NSMAF: variants seen among roughly 807,000 people sequenced by gnomAD.
NSMAF encodes neutral sphingomyelinase activation associated factor, also known as protein FAN.
NSMAF carries 90 observed loss-of-function variants against 134.9 expected under a neutral mutation model. That is an observed-to-expected ratio of 0.67 (90% CI 0.56 to 0.79). The LOEUF (loss-of-function observed/expected upper bound fraction) is 0.79. Ranked by LOEUF, NSMAF falls within the 30% of genes least tolerant of loss-of-function variation. The pLI is 0.00. For synonymous variants in NSMAF, 358 were observed against 389.6 expected (o/e 0.92, Z 0.96); for missense variants, 1,010 against 1,119.0 (o/e 0.90, Z 1.39).
rs572849597 is a variant in NSMAF at position 58,597,373 on chromosome 8, T to C, written c.1792+14A>G. 1.2e-6 allele frequency: 2 copies of C among 1,610,600 alleles called. No individual in the cohort carries two copies. Among genetic ancestry groups the C allele is most frequent in the Admixed American group, 3.4e-5 (2 of 59,608 alleles). ...ACAAAAGGTGCTCACGTTTATTCTC[T>C]TTACAAAATTTACCTGGGGAATCTG... On this transcript the variant is annotated intron_variant, in intron 21 of 30. Coordinates refer to ENST00000038176, the MANE Select transcript of NSMAF (RefSeq NM_003580.4).
In NSMAF at chr8:58,635,378, T is replaced by A; in HGVS notation, c.229-6A>T. 4 of 1,597,330 alleles carry A rather than the reference T, an allele frequency of 2.5e-6. No individual in the cohort carries two copies. Among genetic ancestry groups the A allele is most frequent in the Non-Finnish European group, 3.4e-6 (4 of 1,173,758 alleles). ...ATACAGTCTCTCAAAGGAATCTGGA[T>A]AAAATTGAGAGAAATATTATAAAAA... On this transcript the variant is annotated splice_polypyrimidine_tract_variant and splice_region_variant and intron_variant, in intron 3 of 30. Coordinates refer to ENST00000038176, the MANE Select transcript of NSMAF (RefSeq NM_003580.4).
In NSMAF at chr8:58,606,231, G is replaced by A. The variant is rs1585737339; in HGVS notation, c.760-196C>T. On this transcript the variant is annotated intron_variant, in intron 11 of 30. Coordinates refer to ENST00000038176, the MANE Select transcript of NSMAF (RefSeq NM_003580.4). ...ACGTTTGCGTATATATATATATGTT[G>A]TATTTATAAATGTTTTGAGAACAAG... Among the ~76,000 whole-genome samples the A allele has an allele frequency of 3.3e-5, 5 of 151,552 alleles. No homozygotes were observed. In the South Asian group the frequency reaches 1.0e-3, roughly 32 times the overall value.
rs1219479120 is a variant in NSMAF, at chr8:58,605,987, G to C, written c.808C>G (p.Leu270Val). Residue 270 changes from leucine (L) to valine (V), a missense_variant, in exon 12 of 31, where the codon CTA becomes GTA. Physicochemically the swap from Leu to Val is conservative, Grantham distance 32. Coordinates refer to ENST00000038176, the MANE Select transcript of NSMAF (RefSeq NM_003580.4). The stretch of plus-strand genomic sequence containing the variant: ...CTATCTTGAGGTTCATAGAACTTTA[G>C]GTAGATGTCGGAACACAGATCATCT... ...TEDDLCSDIYLKFYEPQDRDD... is the reference protein window; with the variant it reads ...TEDDLCSDIYVKFYEPQDRDD... The C allele has an allele frequency of 1.9e-6, 3 of 1,598,458 alleles. No homozygotes were observed. The highest frequency in any genetic ancestry group is 2.6e-6 in the Non-Finnish European group (3 of 1,174,728).
intron 5 of NSMAF, among the ~76,000 whole-genome samples, chr8:58,633,891 C>G (rs1235700058): frequency 1.3e-5 from 2 of 152,090 alleles, no homozygotes; most frequent in Non-Finnish European, 2.9e-5. Flanking sequence ...TACAAGACCT[C>G]TTCTATAAAC....
intron 1 of NSMAF, among the ~76,000 whole-genome samples, chr8:58,649,776 G>A (rs181059552): frequency 3.9e-5 from 6 of 152,280 alleles, no homozygotes; most frequent in African/African-American, 1.2e-4. Flanking sequence ...TCCACCATGA[G>A]TAAAAGCTCC....
At chr8:58,622,231 C>T (rs114046880) in intron 9 of NSMAF, among the ~76,000 whole-genome samples, 2,155 of 152,164 alleles carry the variant, frequency 0.014, 57 homozygotes, top group African/African-American at 0.05. Flanking sequence ...TTAGAAAGGA[C>T]ATTTTAAAAT....
At chr8:58,649,868 C>A (rs1227572364) in intron 1 of NSMAF, among the ~76,000 whole-genome samples, 2 of 152,230 alleles carry the variant, frequency 1.3e-5, no homozygotes, top group Non-Finnish European at 2.9e-5. Context: ...GCCCATTAAA[C>A]CTCTCTTGAA....
intron 12 of NSMAF, 127 bp from the exon 13 acceptor site, chr8:58,603,513 A>G (rs1474806724): frequency 1.0e-5 from 8 of 782,452 alleles, no homozygotes; most frequent in Non-Finnish European, 1.4e-5. Flanking sequence ...AAAGAAAAGT[A>G]GGCTGCTGAC....
chr8:58,659,469 C>T, intron 1 of NSMAF, 104 bp downstream of exon 1: 1 of 1,493,162 alleles, frequency 6.7e-7, no homozygotes, highest in Non-Finnish European at 8.9e-7. Context: ...TGCCTCCGTG[C>T]CCGGCCCCCA....
intron 23 of NSMAF, among the ~76,000 whole-genome samples, chr8:58,592,275 C>T (rs992093056): frequency 6.6e-6 from 1 of 152,090 alleles, no homozygotes; most frequent in African/African-American, 2.4e-5. Context: ...GGTGCTCTCA[C>T]TGCAGCAGCC....
Position 58,589,571 on chromosome 8 carries a change from A to G in NSMAF, c.2092T>C (p.Phe698Leu). Residue 698 changes from phenylalanine (F) to leucine (L), a missense_variant, in exon 26 of 31, where the codon TTT (phenylalanine) becomes CTT (leucine). Coordinates refer to ENST00000038176, the MANE Select transcript of NSMAF (RefSeq NM_003580.4). ...CGTCTTCCAAATGCTATGGAATAAA[A>G]ATAGCTAAAAGATAATGAGAAGCAT... ...ITSSWDNNVYFYSIAFGRRQD... is the reference protein window; with the variant it reads ...ITSSWDNNVYLYSIAFGRRQD... 6.4e-7 allele frequency: 1 copy of G among 1,566,632 alleles called. No individual in the cohort carries two copies. The highest frequency in any genetic ancestry group is 8.6e-7 in the Non-Finnish European group (1 of 1,166,458).
At chr8:58,603,161 A>G in intron 13 of NSMAF, 49 bp downstream of exon 13, 1 of 1,534,828 alleles carries the variant, frequency 6.5e-7, no homozygotes, top group Admixed American at 1.7e-5. Flanking sequence ...AACAATACAG[A>G]TGACTACTCC....
At chr8:58,639,924 T>C in intron 2 of NSMAF, 1 of 358,278 alleles carries the variant, frequency 2.8e-6, no homozygotes, top group Non-Finnish European at 5.5e-6. Flanking sequence ...TCACGTAGAC[T>C]CTAAAAGAGT....
intron 23 of NSMAF, among the ~76,000 whole-genome samples, chr8:58,591,654 G>C (rs1162314476): frequency 6.6e-6 from 1 of 151,728 alleles, no homozygotes; most frequent in Admixed American, 6.6e-5. Flanking sequence ...GGCTGGCTAA[G>C]TTTTGTATTT....
intron 1 of NSMAF, among the ~76,000 whole-genome samples, chr8:58,650,871 C>T (rs1043088448): frequency 2.6e-5 from 4 of 152,174 alleles, no homozygotes; most frequent in Non-Finnish European, 1.5e-5. Flanking sequence ...GCATTTCAGC[C>T]AGTATCTCTA....
intron 26 of NSMAF, 30 bp downstream of exon 26, chr8:58,589,422 T>C (rs948529810): frequency 8.4e-6 from 12 of 1,425,516 alleles, no homozygotes; most frequent in Non-Finnish European, 1.1e-5. Context: ...GCACACCAAG[T>C]TAAAAAAACT....
chr8:58,647,416 A>C (rs1014684156), intron 1 of NSMAF, among the ~76,000 whole-genome samples: 35 of 152,224 alleles, frequency 2.3e-4, no homozygotes, highest in Admixed American at 6.5e-4. Context: ...CCACCATTGG[A>C]AACATCCCCC....
chr8:58,639,310 AAG>A (rs1807276557), intron 2 of NSMAF, among the ~76,000 whole-genome samples: 1 of 151,852 alleles, frequency 6.6e-6, no homozygotes, highest in African/African-American at 2.4e-5. Flanking sequence ...GAAGAAGAAG[AAG>A]AAGAAGAAGA....
chr8:58,607,954 C>A, intron 10 of NSMAF, 114 bp from the exon 11 acceptor site: 1 of 859,076 alleles, frequency 1.2e-6, no homozygotes, highest in Non-Finnish European at 1.9e-6. Flanking sequence ...CCTAATAAAC[C>A]ATTGGAAAAG....
Sources: allele counts gnomAD v4.1 joint callset (sites outside exome capture counted in the v4.1 genomes callset), GRCh38; gene constraint gnomAD v4.1.1; transcripts MANE v1.5; gene names NCBI Gene and HGNC (gene_info 2026-07-23, HGNC 2026-07-21).